The following PKP3 variants were observed in gnomAD, a reference collection of about 807,000 sequenced individuals.
PKP3 encodes plakophilin-3.
A neutral mutation model predicts 76.5 loss-of-function variants in PKP3; 66 were observed. The ratio of observed to expected loss-of-function variants is 0.86; its 90% confidence interval spans 0.71 to 1.06. The LOEUF (loss-of-function observed/expected upper bound fraction) is 1.06. Ranked by LOEUF, PKP3 falls within the 50% of genes least tolerant of loss-of-function variation. PKP3 has a pLI of 0.00. For missense variants in PKP3, 1,338 were observed against 1,141.0 expected (o/e 1.17, Z -2.49); for synonymous variants, 638 against 516.5 (o/e 1.24, Z -3.19).
chr11:403,810 C>G, intron 10 of PKP3, 39 bp downstream of exon 10: 1 of 1,599,124 alleles, frequency 6.3e-7, no homozygotes, highest in Non-Finnish European at 8.5e-7. Context: ...CTGCTGGACC[C>G]ACATGTCAAT....
At chr11:394,193 G>C (rs896368765), upstream of PKP3, 6 of 1,374,686 alleles carry the variant, frequency 4.4e-6, no homozygotes, top group African/African-American at 7.7e-5. Context: ...GGTGAGGCTG[G>C]CTGGGCGGGG....
chr11:398,272 C>T (rs577745673), intron 4 of PKP3, among the ~76,000 whole-genome samples: 3 of 93,810 alleles, frequency 3.2e-5, no homozygotes, highest in Non-Finnish European at 6.3e-5. Flanking sequence ...TCCGTACACC[C>T]GCACACACCT....
In PKP3 at chr11:396,828, C is replaced by CGCCAAGCCGGCCTACA; in HGVS notation, c.331_346dup (p.Pro116GlnfsTer56). ...TCGACCCACAGGGCTTCCGGCCCAT[C>CGCCAAGCCGGCCTACA]GCCAAGCCGGCCTACAGCCCAGCCT... On this transcript the variant is annotated frameshift_variant, in exon 3 of 13. Transcript: ENST00000331563. LOFTEE classifies it high-confidence loss of function. 6.3e-7 allele frequency: 1 copy of CGCCAAGCCGGCCTACA among 1,590,438 alleles called. No homozygotes were observed. The highest frequency in any genetic ancestry group is 8.5e-7 in the Non-Finnish European group (1 of 1,172,932).
At chr11:398,035 C>T (rs1265114443) in intron 4 of PKP3, among the ~76,000 whole-genome samples, 4 of 117,204 alleles carry the variant, frequency 3.4e-5, no homozygotes, top group Admixed American at 8.3e-5. Context: ...GCGTCACCTC[C>T]GTACCCCCGC....
upstream of PKP3, among the ~76,000 whole-genome samples, chr11:393,699 T>C (rs892299236): frequency 6.6e-6 from 1 of 152,094 alleles, no homozygotes; most frequent in Non-Finnish European, 1.5e-5. Context: ...TCCCTGGCAC[T>C]GACCCCTGAC....
upstream of PKP3, chr11:392,632 A>G: frequency 7.8e-7 from 1 of 1,286,060 alleles, no homozygotes; most frequent in African/African-American, 1.5e-5. Flanking sequence ...CCAGGGATGG[A>G]GTCCTGGACA....
In PKP3 at chr11:400,599, C is replaced by G. The variant is rs766538187; in HGVS notation, c.1631C>G (p.Pro544Arg). 2 of 1,464,660 alleles carry G rather than the reference C, an allele frequency of 1.4e-6. No homozygotes were observed. Among genetic ancestry groups the G allele is most frequent in the Admixed American group, 2.7e-5 (1 of 37,064 alleles). The allele number at this position is 1,464,660 out of a possible 1,614,324, so 90.7% of individuals were successfully genotyped here. ...LSYRLYDEMPPSALQRLEGRG... is the reference protein window; with the variant it reads ...LSYRLYDEMPRSALQRLEGRG... ...TACCGCCTCTACGACGAGATGCCGC[C>G]GTCCGCGCTGCAGCGGCTGGAGGGT... The change falls in exon 8 of 13, where the codon CCG becomes CGG. Residue 544 changes from proline (P) to arginine (R), a missense_variant. Transcript: ENST00000331563.
chr11:396,714 GA>G, intron 2 of PKP3, 27 bp downstream of exon 2: 1 of 1,597,594 alleles, frequency 6.3e-7, no homozygotes, highest in Non-Finnish European at 8.5e-7. Context: ...GCCCGAGGGG[GA>G]CGATCTGAGC....
At chr11:395,641 GC>G (rs1847035755) in intron 1 of PKP3, among the ~76,000 whole-genome samples, 1 of 152,214 alleles carries the variant, frequency 6.6e-6, no homozygotes, top group African/African-American at 2.4e-5. Flanking sequence ...AGGGTTAATA[GC>G]CCCGGCCCAG....
At chr11:400,278 G>C (rs1017886922) in intron 6 of PKP3, 56 bp from the exon 7 acceptor site, 32 of 1,474,406 alleles carry the variant, frequency 2.2e-5, no homozygotes, top group Admixed American at 4.2e-5. Flanking sequence ...CGATGGGTTG[G>C]GGCAAGGCCC....
In PKP3 at chr11:394,406, C is replaced by T. The variant is rs778013899; in HGVS notation, c.114C>T (p.Ala38=). 5.4e-5 allele frequency: 79 copies of T among 1,476,286 alleles called. No individual in the cohort carries two copies. In the African/African-American group the frequency reaches 8.4e-4, roughly 16 times the overall value. The allele number at this position is 1,476,286 out of a possible 1,614,324, so 91.4% of individuals were successfully genotyped here. A position where few individuals can be genotyped will look rare whatever the true frequency, so the allele number is the denominator to read the frequency against. The part of the protein sequence containing the change: ...LDRRGAEGPE[A]ERLRAARVQE... ...GCCGGGGCGCCGAGGGGCCGGAGGC[C>T]GAGCGGCTGCGGGCAGCCCGCGTCC... Residue 38 remains alanine (A), a synonymous_variant, in exon 1 of 13, where the codon GCC becomes GCT. Transcript: ENST00000331563.
At chr11:397,828 C>T (rs186017865) in intron 4 of PKP3, 166 bp downstream of exon 4, 2 of 661,418 alleles carry the variant, frequency 3.0e-6, no homozygotes, top group Non-Finnish European at 5.1e-6. Context: ...CAGAAGGATA[C>T]AATTTGGATA....
chr11:403,516 C>T (rs1590361134), intron 9 of PKP3, 102 bp from the exon 10 acceptor site: 2 of 1,221,132 alleles, frequency 1.6e-6, no homozygotes, highest in Non-Finnish European at 1.2e-6. Context: ...CAGAGGCCCC[C>T]CTGAGGGTGG....
Position 397,513 on chromosome 11 carries a change from C to G in PKP3, c.945-26C>G. On this transcript the variant is annotated intron_variant, in intron 3 of 12. Transcript: ENST00000331563. ...GGCCCAGCCTGAACCCAAAGTTAGC[C>G]TGACCCCTGACCCCTGGCTCCGCAG... The G allele has an allele frequency of 1.9e-6, 3 of 1,611,874 alleles. No individual in the cohort carries two copies. In the Admixed American group the frequency reaches 5.0e-5, roughly 27 times the overall value.
chr11:397,448 G>A lies in PKP3; in HGVS notation c.944+3G>A. The A allele has an allele frequency of 6.2e-7, 1 of 1,612,114 alleles. No homozygotes were observed. Among genetic ancestry groups the A allele is most frequent in the Non-Finnish European group, 8.5e-7 (1 of 1,179,654 alleles). On this transcript the variant is annotated splice_donor_region_variant and intron_variant, in intron 3 of 12. Coordinates refer to ENST00000331563, the MANE Select transcript of PKP3 (RefSeq NM_007183.4). ...ACCCTGCAGAGACTCAGCAGCGGGTGAGCGGCTGGGCCCGGCTCAGGGAGG... is the reference window on the plus strand; with the variant it reads ...ACCCTGCAGAGACTCAGCAGCGGGTAAGCGGCTGGGCCCGGCTCAGGGAGG...
chr11:404,248 G>A lies in PKP3; in HGVS notation c.2283G>A (p.Glu761=). 1.2e-6 allele frequency: 2 copies of A among 1,612,652 alleles called. No individual in the cohort carries two copies. The highest frequency in any genetic ancestry group is 1.7e-6 in the Non-Finnish European group (2 of 1,179,868). ...CCTCCACCCTCAGCCCCGACAGTGA[G>A]AAGTCCTCCCGGGCAGCATCCAGCC... ...IKKKRDSPDS[E]KSSRAASSLL... is the part of the protein sequence containing the mutation. Residue 761 remains glutamate, a synonymous_variant, in exon 12 of 13, where the codon GAG becomes GAA. Transcript: ENST00000331563. The surrounding 1 kb of genome is among the most constrained non-coding windows in gnomAD (Gnocchi z 4.2).
chr11:399,765 A>C lies in PKP3; in HGVS notation c.1274-202A>C, dbSNP rs547945183. Among the ~76,000 whole-genome samples, 13 of 147,660 alleles carry C rather than the reference A, an allele frequency of 8.8e-5. No individual in the cohort carries two copies. In the East Asian group the frequency reaches 2.5e-3, roughly 28 times the overall value. ...CACTGCCAGGCCTGCTCACCACCCC[A>C]CCCCCACATCTTGTCCCCTCTTGCT... On this transcript the variant is annotated intron_variant, in intron 5 of 12. Transcript: ENST00000331563.
rs760175100 is a variant in PKP3, at chr11:400,349, C to A, written c.1464C>A (p.Ala488=). The A allele has an allele frequency of 1.3e-6, 2 of 1,549,326 alleles. No homozygotes were observed. The highest frequency in any genetic ancestry group is 2.4e-5 in the South Asian group (2 of 84,024). The change falls in exon 7 of 13, where the codon GCC becomes GCA. Residue 488 remains alanine (A), a synonymous_variant. Coordinates refer to ENST00000331563, the MANE Select transcript of PKP3 (RefSeq NM_007183.4). ...CGGTCCCCAGGAACCTCAGCTCAGC[C>A]TCTCAGGCCACTCGCCAGAAGATGC... ...ATGFLRNLSS[A]SQATRQKMRE...
rs1047676601 is a variant in PKP3 at position 403,540 on chromosome 11, C to G, written c.1924-78C>G. On this transcript the variant is annotated intron_variant, in intron 9 of 12. Transcript: ENST00000331563. ...CCCTGAGGGTGGCGAGAGGATGCAG[C>G]GACCCCATTGTGGCAGGACCCCCTC... is the stretch of plus-strand genomic sequence containing the variant. The G allele has an allele frequency of 4.2e-6, 6 of 1,422,584 alleles. No individual in the cohort carries two copies. In the Admixed American group the frequency reaches 1.1e-4, roughly 27 times the overall value. 88.1% of individuals were successfully genotyped at this position (1,422,584 alleles called of 1,614,324 possible). A position where few individuals can be genotyped will look rare whatever the true frequency, so the allele number is the denominator to read the frequency against.
Sources: gnomAD v4.1 joint callset for allele counts (sites outside exome capture counted in the v4.1 genomes callset) on GRCh38, gnomAD v4.1.1 for gene constraint, Gnocchi (gnomAD v3.1) non-coding constraint, MANE v1.5 for transcripts, NCBI Gene and HGNC (gene_info 2026-07-23, HGNC 2026-07-21) for gene names.